AIFM2: variants seen among roughly 807,000 people sequenced by gnomAD.
The protein encoded by AIFM2 is AIF family member 2, ferroptosis suppressor, also known as ferroptosis suppressor protein 1.
A neutral mutation model predicts 35.7 loss-of-function variants in AIFM2; 38 were observed. The ratio of observed to expected loss-of-function variants is 1.06; its 90% CI spans 0.82 to 1.39. The LOEUF (loss-of-function observed/expected upper bound fraction) is 1.39, where lower values mean the gene tolerates loss of function less well. AIFM2 is among the 40% of genes most tolerant of loss of function. AIFM2 has a pLI of 0.00. For synonymous variants in AIFM2, 185 were observed against 203.5 expected (o/e 0.91, Z 0.77); for missense variants, 476 against 491.2 (o/e 0.97, Z 0.29).
intron 7 of AIFM2, 81 bp downstream of exon 7, chr10:70,116,541 T>C: frequency 6.4e-7 from 1 of 1,566,916 alleles, no homozygotes; most frequent in Non-Finnish European, 8.7e-7. Flanking sequence ...TGTGGACTCC[T>C]GGGGGCAAGC....
intron 4 of AIFM2, 72 bp downstream of exon 4, chr10:70,121,020 G>A: frequency 1.9e-6 from 3 of 1,553,048 alleles, no homozygotes; most frequent in Non-Finnish European, 1.7e-6. Flanking sequence ...CCTCCCAGCT[G>A]CAGGCCTAGG....
chr10:70,123,054 CTCTG>C (rs2072526363), intron 3 of AIFM2, among the ~76,000 whole-genome samples: 1 of 152,276 alleles, frequency 6.6e-6, no homozygotes, highest in Non-Finnish European at 1.5e-5. Flanking sequence ...GAGATGGAGT[CTCTG>C]TCTGTCACCC....
At chr10:70,118,400 A>G (rs976893921) in intron 5 of AIFM2, 1 of 153,592 alleles carries the variant, frequency 6.5e-6, no homozygotes, top group Non-Finnish European at 1.4e-5. Flanking sequence ...GGGCTTTGGT[A>G]TCAAATTGCC....
chr10:70,132,604 T>A (rs2072638431), intron 1 of AIFM2, 130 bp downstream of exon 1: 1 of 152,200 alleles, frequency 6.6e-6, no homozygotes, highest in Admixed American at 6.5e-5. Flanking sequence ...GCGCCACAAC[T>A]GCGCGCACCG....
chr10:70,115,537 C>T (rs1400014961), intron 7 of AIFM2, among the ~76,000 whole-genome samples: 3 of 152,212 alleles, frequency 2.0e-5, no homozygotes, highest in South Asian at 2.1e-4. Context: ...GAGGCCGAGG[C>T]GGCCAGATCA....
chr10:70,123,993 T>A lies in AIFM2; in HGVS notation c.92A>T (p.Gln31Leu). The A allele has an allele frequency of 6.2e-7, 1 of 1,613,182 alleles. No homozygotes were observed. The highest frequency in any genetic ancestry group is 8.5e-7 in the Non-Finnish European group (1 of 1,179,516). Residue 31 changes from glutamine (Q) to leucine (L), a missense_variant, in exon 2 of 9, where the codon CAG (glutamine) becomes CTG (leucine). By Grantham distance (113) the Gln-to-Leu change is moderately radical. Transcript: ENST00000307864. Reference sequence around the variant, plus strand: ...CAGCATGAAGGGGACGTTCAGGGCCTGCAGCTGGCTGGCTGCTGCGATCCC... The same window carrying A: ...CAGCATGAAGGGGACGTTCAGGGCCAGCAGCTGGCTGGCTGCTGCGATCCC... ...FGGIAAASQL[Q>L]ALNVPFMLVD...
rs1446943730 is a variant in AIFM2 at position 70,123,455 on chromosome 10, C to T, written c.244G>A (p.Val82Ile). Residue 82 changes from valine (V) to isoleucine (I), a missense_variant, in exon 3 of 9, where the codon GTA becomes ATA. Transcript: ENST00000307864. Reference sequence around the variant, plus strand: ...TGGTTCTTCAGGTCTATCCCCACTACTAGCCCCTGCCGGAAGTTGTCCTTG... The same window carrying T: ...TGGTTCTTCAGGTCTATCCCCACTATTAGCCCCTGCCGGAAGTTGTCCTTG... ...TFKDNFRQGLVVGIDLKNQMV... is the reference protein window; with the variant it reads ...TFKDNFRQGLIVGIDLKNQMV... 1 of 1,614,240 alleles carries T rather than the reference C, an allele frequency of 6.2e-7. No homozygotes were observed. Among genetic ancestry groups the T allele is most frequent in the Non-Finnish European group, 8.5e-7 (1 of 1,180,038 alleles).
At chr10:70,125,568 T>A (rs2072557256) in intron 1 of AIFM2, among the ~76,000 whole-genome samples, 1 of 145,958 alleles carries the variant, frequency 6.9e-6, no homozygotes, top group Non-Finnish European at 1.5e-5. Context: ...CAGTGAGCCG[T>A]AACTATGCCA....
At position 70,117,928 on chromosome 10, in the gene AIFM2, C is replaced by T. The variant is rs1414385151; in HGVS notation, c.508-8G>A. 1.0e-5 allele frequency: 16 copies of T among 1,594,782 alleles called. No homozygotes were observed. Among genetic ancestry groups the T allele is most frequent in the Non-Finnish European group, 1.4e-5 (16 of 1,167,512 alleles). Reference sequence around the variant, plus strand: ...GGAGTGAATGAGAGTGACCTGAGGACAAAACGACCACAGGGCCTGAGAAGG... The same window carrying T: ...GGAGTGAATGAGAGTGACCTGAGGATAAAACGACCACAGGGCCTGAGAAGG... On this transcript the variant is annotated splice_polypyrimidine_tract_variant and splice_region_variant and intron_variant, in intron 5 of 8. Transcript: ENST00000307864. This position sits in a 1 kb window ranked among gnomAD's most constrained non-coding sequence, Gnocchi z 4.7.
Position 70,114,004 on chromosome 10 carries a change from A to C in AIFM2, c.*174T>G. 1.3e-6 allele frequency: 1 copy of C among 786,892 alleles called. No homozygotes were observed. The highest frequency in any genetic ancestry group is 1.9e-6 in the Non-Finnish European group (1 of 517,284). 48.7% of individuals were successfully genotyped at this position (786,892 alleles called of 1,614,324 possible). A position where few individuals can be genotyped will look rare whatever the true frequency, so the allele number is the denominator to read the frequency against. Reference sequence around the variant, plus strand: ...TATCCTCTAAGGGGGGTATTTGTTTAATACCTCTCTCTCTCCCATTTTTGT... The same window carrying C: ...TATCCTCTAAGGGGGGTATTTGTTTCATACCTCTCTCTCTCCCATTTTTGT... On this transcript the variant is annotated 3_prime_UTR_variant, in exon 9 of 9. Coordinates refer to ENST00000307864, the MANE Select transcript of AIFM2 (RefSeq NM_032797.6).
At position 70,113,574 on chromosome 10, in the gene AIFM2, T is replaced by G. The variant is rs1477752374; in HGVS notation, c.*604A>C. ...ATAAAGTGGAAATGTAGGAAGGCCA[T>G]GAGGCTTAAGGAGCACAGGGATTAT... On this transcript the variant is annotated 3_prime_UTR_variant, in exon 9 of 9. Coordinates refer to ENST00000307864, the MANE Select transcript of AIFM2 (RefSeq NM_032797.6). The G allele has an allele frequency of 1.3e-5, 2 of 152,234 alleles. No homozygotes were observed. The highest frequency in any genetic ancestry group is 6.5e-5 in the Admixed American group (1 of 15,276). The allele number at this position is 152,234 out of a possible 1,614,324, so 9.4% of individuals were successfully genotyped here. A position where few individuals can be genotyped will look rare whatever the true frequency, so the allele number is the denominator to read the frequency against.
chr10:70,132,338 G>A (rs1261397882), intron 1 of AIFM2, among the ~76,000 whole-genome samples: 2 of 152,164 alleles, frequency 1.3e-5, no homozygotes, highest in Non-Finnish European at 2.9e-5. Context: ...GCTTCTGTCC[G>A]GACCGGCCGC....
intron 5 of AIFM2, 75 bp downstream of exon 5, chr10:70,120,432 A>C (rs2072486795): frequency 6.8e-6 from 10 of 1,479,886 alleles, no homozygotes; most frequent in African/African-American, 1.4e-5. Context: ...GCCCTGAGCA[A>C]ATTCCTGATG....
chr10:70,116,593 A>G, intron 7 of AIFM2, 29 bp downstream of exon 7: 1 of 1,611,946 alleles, frequency 6.2e-7, no homozygotes, highest in Non-Finnish European at 8.5e-7. Context: ...AAGGAGGCAC[A>G]GGGGAAGCCC....
rs905256894 is a variant in AIFM2 at position 70,112,311 on chromosome 10, T to C, written c.*1867A>G. ...TCTTTTATTGCAACATTTTCCTCAG[T>C]TTGGAAAACTGTGTCCCCACACGTA... On this transcript the variant is annotated 3_prime_UTR_variant, in exon 9 of 9. Transcript: ENST00000307864. 2.6e-5 allele frequency: 4 copies of C among 152,190 alleles called. No homozygotes were observed. Among genetic ancestry groups the C allele is most frequent in the Admixed American group, 2.6e-4 (4 of 15,274 alleles). 9.4% of individuals were successfully genotyped at this position (152,190 alleles called of 1,614,324 possible). A position where few individuals can be genotyped will look rare whatever the true frequency, so the allele number is the denominator to read the frequency against.
Position 70,115,043 on chromosome 10 carries a change from T to C in AIFM2, c.847A>G (p.Ile283Val). The C allele has an allele frequency of 1.2e-6, 2 of 1,614,210 alleles. No homozygotes were observed. Among genetic ancestry groups the C allele is most frequent in the Non-Finnish European group, 1.7e-6 (2 of 1,180,040 alleles). ...GTCCTCACGTCGGCACAGTCACCAATGGCGTAGACGTTGCTGTGGCCCTCC... is the reference window on the plus strand; with the variant it reads ...GTCCTCACGTCGGCACAGTCACCAACGGCGTAGACGTTGCTGTGGCCCTCC... Reference protein sequence around the residue: ...QVEGHSNVYAIGDCADVRTPK... With the variant: ...QVEGHSNVYAVGDCADVRTPK... The change falls in exon 8 of 9, where the codon ATT (isoleucine) becomes GTT (valine). Residue 283 changes from isoleucine to valine, a missense_variant. Coordinates refer to ENST00000307864, the MANE Select transcript of AIFM2 (RefSeq NM_032797.6).
At position 70,124,094 on chromosome 10, in the gene AIFM2, G is replaced by A. The variant is rs1417528478; in HGVS notation, c.-10C>T. 4 of 1,487,094 alleles carry A rather than the reference G, an allele frequency of 2.7e-6. No individual in the cohort carries two copies. The Admixed American group carries it at 6.9e-5, about 26-fold the overall frequency. The allele number at this position is 1,487,094 out of a possible 1,614,324, so 92.1% of individuals were successfully genotyped here. Reference sequence around the variant, plus strand: ...AGACCTGGGACCCCATCTCAAATCAGGCACTGCTGGGAAGAAAGAGGAGAG... The same window carrying A: ...AGACCTGGGACCCCATCTCAAATCAAGCACTGCTGGGAAGAAAGAGGAGAG... On this transcript the variant is annotated 5_prime_UTR_variant, in exon 2 of 9. Transcript: ENST00000307864.
At position 70,123,892 on chromosome 10, in the gene AIFM2, A is replaced by C. The variant is rs1477990211; in HGVS notation, c.178+15T>G. The C allele has an allele frequency of 6.5e-7, 1 of 1,545,660 alleles. No homozygotes were observed. Among genetic ancestry groups the C allele is most frequent in the East Asian group, 2.3e-5 (1 of 43,048 alleles). On this transcript the variant is annotated intron_variant, in intron 2 of 8. Transcript: ENST00000307864. ...ACCCCCCTCACAGAGACAGCCCCAGACGGGAGCACATTACCTGTCTCCACG... is the reference window on the plus strand; with the variant it reads ...ACCCCCCTCACAGAGACAGCCCCAGCCGGGAGCACATTACCTGTCTCCACG...
intron 1 of AIFM2, among the ~76,000 whole-genome samples, chr10:70,125,812 G>A (rs1564554409): frequency 6.6e-6 from 1 of 152,156 alleles, no homozygotes; most frequent in Non-Finnish European, 1.5e-5. Flanking sequence ...ATAAGCTTCT[G>A]TACCTCTTTT....
Sources: allele counts gnomAD v4.1 joint callset (sites outside exome capture counted in the v4.1 genomes callset), GRCh38; gene constraint gnomAD v4.1.1; non-coding constraint Gnocchi (gnomAD v3.1); transcripts MANE v1.5; gene names NCBI Gene and HGNC (gene_info 2026-07-23, HGNC 2026-07-21).